ZNF19: variants seen among roughly 807,000 people sequenced by gnomAD.
The protein encoded by ZNF19 is zinc finger protein 19 (KOX 12).
In ZNF19, 11 loss-of-function variants were observed where a neutral mutation model predicts 13.1. The observed-to-expected ratio is 0.84, with a 90% CI of 0.53 to 1.39. The LOEUF is 1.39. Ranked by LOEUF, ZNF19 falls within the 40% of genes most tolerant of loss-of-function variation. ZNF19 has a pLI of 0.00. For missense variants in ZNF19, 560 were observed against 547.0 expected, an observed-to-expected ratio of 1.02 and a Z score of -0.24; for synonymous variants, 186 against 187.0, an observed-to-expected ratio of 0.99 and a Z score of 0.04.
In ZNF19 at chr16:71,478,964, C is replaced by T. The variant is rs2043620336; in HGVS notation, c.75G>A (p.Lys25=). 3 of 1,614,114 alleles carry T rather than the reference C, an allele frequency of 1.9e-6. No homozygotes were observed. The highest frequency in any genetic ancestry group is 2.2e-5 in the South Asian group (2 of 91,092). Residue 25 remains lysine (K), a synonymous_variant, in exon 4 of 6, where the codon AAG becomes AAA. Transcript: ENST00000288177. ...TFEDVAVHFT[K]TEWTGLSPAQ... Reference sequence around the variant, plus strand: ...CAGGAGAAAGGCCAGTCCATTCTGTCTTGGTGAAGTGCACAGCCACATCCT... The same window carrying T: ...CAGGAGAAAGGCCAGTCCATTCTGTTTTGGTGAAGTGCACAGCCACATCCT...
chr16:71,476,080 C>A lies in ZNF19; in HGVS notation c.467G>T (p.Cys156Phe). The change falls in exon 6 of 6, where the codon TGT (cysteine) becomes TTT (phenylalanine). Residue 156 changes from cysteine (C) to phenylalanine (F), a missense_variant. Coordinates refer to ENST00000288177, the MANE Select transcript of ZNF19 (RefSeq NM_006961.4). ...CTCACATATGAAAGGTTTCCTTGCA[C>A]AGGGGATTCTTGGAACCTTTCCTTG... is the stretch of plus-strand genomic sequence containing the variant. ...NIQGKVPRIPCARKPFICEEC... is the reference protein window; with the variant it reads ...NIQGKVPRIPFARKPFICEEC... 6.2e-7 allele frequency: 1 copy of A among 1,614,156 alleles called. No homozygotes were observed. The highest frequency in any genetic ancestry group is 1.1e-5 in the South Asian group (1 of 91,084).
At chr16:71,476,352 C>T in intron 5 of ZNF19, 80 bp from the exon 6 acceptor site, 4 of 1,425,310 alleles carry the variant, frequency 2.8e-6, no homozygotes, top group Non-Finnish European at 3.7e-6. Context: ...AATGATAAGG[C>T]TTTAAAAGAG....
At chr16:71,476,639 C>G (rs991012440) in intron 5 of ZNF19, among the ~76,000 whole-genome samples, 9 of 152,198 alleles carry the variant, frequency 5.9e-5, no homozygotes, top group Admixed American at 5.9e-4. Context: ...GCTGGCAAGA[C>G]TTAGAATCAG....
chr16:71,489,275 T>C lies in ZNF19; in HGVS notation c.-193A>G. 9.1e-6 allele frequency: 9 copies of C among 985,576 alleles called. No individual in the cohort carries two copies. Among genetic ancestry groups the C allele is most frequent in the Non-Finnish European group, 1.1e-5 (9 of 830,008 alleles). 61.1% of individuals were successfully genotyped at this position (985,576 alleles called of 1,614,324 possible). On this transcript the variant is annotated 5_prime_UTR_variant, in exon 1 of 6. Transcript: ENST00000288177. The stretch of plus-strand genomic sequence containing the variant: ...GTGGGTCCTTGCACTTTGGCACCTT[T>C]GAGCGCGGACTCAAAACAGGCCAGA...
chr16:71,481,894 C>T (rs948391375), intron 3 of ZNF19, among the ~76,000 whole-genome samples, 188 bp downstream of exon 3: 3 of 152,178 alleles, frequency 2.0e-5, no homozygotes, highest in African/African-American at 7.2e-5. Context: ...TTCAGCTTTC[C>T]AGATCACTCT....
chr16:71,476,825 C>T (rs542209807), intron 5 of ZNF19, among the ~76,000 whole-genome samples: 1 of 152,250 alleles, frequency 6.6e-6, no homozygotes, highest in South Asian at 2.1e-4. Context: ...GTATTATTCC[C>T]AATATGTTGT....
At chr16:71,488,604 G>A (rs992784221) in intron 1 of ZNF19, among the ~76,000 whole-genome samples, 4 of 152,056 alleles carry the variant, frequency 2.6e-5, no homozygotes, top group Admixed American at 1.3e-4. Flanking sequence ...TTTGAGACCC[G>A]TCTGACCAAC....
In ZNF19 at chr16:71,475,785, G is replaced by A. The variant is rs746661649; in HGVS notation, c.762C>T (p.Phe254=). ...PYYCTECGNS[F]TSSSEFVIHQ... ...GTATAACAAACTCGGAACTACTCGT[G>A]AAACTATTCCCACACTCTGTACAGT... The change falls in exon 6 of 6, where the codon TTC becomes TTT. Residue 254 remains phenylalanine, a synonymous_variant. Coordinates refer to ENST00000288177, the MANE Select transcript of ZNF19 (RefSeq NM_006961.4). 2 of 1,612,930 alleles carry A rather than the reference G, an allele frequency of 1.2e-6. No homozygotes were observed. The highest frequency in any genetic ancestry group is 1.7e-6 in the Non-Finnish European group (2 of 1,179,198).
chr16:71,481,048 G>T lies in ZNF19; in HGVS notation c.33+1034C>A, dbSNP rs142095971. 7.2e-5 allele frequency among the ~76,000 whole-genome samples: 11 copies of T among 152,340 alleles called. No individual in the cohort carries two copies. The East Asian group carries it at 2.1e-3, about 29-fold the overall frequency. ...AAACTCTAAATGTAATCTGAAAGATGGCACAAGTGGCAGAGAGAGAAGGAA... is the reference window on the plus strand; with the variant it reads ...AAACTCTAAATGTAATCTGAAAGATTGCACAAGTGGCAGAGAGAGAAGGAA... On this transcript the variant is annotated intron_variant, in intron 3 of 5. Coordinates refer to ENST00000288177, the MANE Select transcript of ZNF19 (RefSeq NM_006961.4).
intron 5 of ZNF19, chr16:71,477,747 C>T: frequency 6.3e-6 from 1 of 157,680 alleles, no homozygotes; most frequent in Non-Finnish European, 1.4e-5. Context: ...AAAGCTCCTC[C>T]CATGCCATGA....
intron 1 of ZNF19, among the ~76,000 whole-genome samples, chr16:71,486,639 C>T (rs1008500151): frequency 6.6e-6 from 1 of 152,162 alleles, no homozygotes; most frequent in Non-Finnish European, 1.5e-5. Context: ...ACCTCCAAAA[C>T]TCTAAGATAA....
chr16:71,485,230 A>G (rs941519434), intron 1 of ZNF19, among the ~76,000 whole-genome samples: 6 of 152,076 alleles, frequency 3.9e-5, no homozygotes, highest in African/African-American at 7.2e-5. Context: ...CGGGCAGATC[A>G]CCTGAGGTCA....
Position 71,475,738 on chromosome 16 carries a change from T to A in ZNF19, c.809A>T (p.Glu270Val), listed in dbSNP as rs141601110. Residue 270 changes from glutamate to valine, a missense_variant, in exon 6 of 6, where the codon GAG (glutamate) becomes GTG (valine). Glu to Val is a moderately radical substitution (Grantham distance 121). Transcript: ENST00000288177. ...FVIHQRIHTG[E>V]KPYECNECGK... The stretch of plus-strand genomic sequence containing the variant: ...ACACTCATTACACTCATAGGGTTTC[T>A]CCCCAGTGTGGATTCTCTGATGTAT... 82 of 1,613,936 alleles carry A rather than the reference T, an allele frequency of 5.1e-5. 1 individual carries two copies. In the Middle Eastern group the frequency reaches 6.6e-4, roughly 13 times the overall value.
At chr16:71,484,934 C>T (rs2145172776) in intron 1 of ZNF19, among the ~76,000 whole-genome samples, 186 bp from the exon 2 acceptor site, 1 of 152,290 alleles carries the variant, frequency 6.6e-6, no homozygotes, top group Non-Finnish European at 1.5e-5. Flanking sequence ...CTATTCTCGT[C>T]ACTAATTTGA....
rs749513750 is a variant in ZNF19, at chr16:71,475,249, T to C, written c.1298A>G (p.His433Arg). ...GTSSQLGHLEHVYSGEKPVLD... is the reference protein window; with the variant it reads ...GTSSQLGHLERVYSGEKPVLD... ...CACAGGCTTCTCTCCAGAGTAGACA[T>C]GCTCAAGGTGACCTAGCTGGGAAGA... The change falls in exon 6 of 6, where the codon CAT becomes CGT. Residue 433 changes from histidine (H) to arginine (R), a missense_variant. His to Arg is a conservative substitution (Grantham distance 29, BLOSUM62 0). Coordinates refer to ENST00000288177, the MANE Select transcript of ZNF19 (RefSeq NM_006961.4). 11 of 1,614,078 alleles carry C rather than the reference T, an allele frequency of 6.8e-6. No individual in the cohort carries two copies. Among genetic ancestry groups the C allele is most frequent in the South Asian group, 1.1e-5 (1 of 91,084 alleles).
chr16:71,480,513 G>A (rs1336481611), intron 3 of ZNF19, among the ~76,000 whole-genome samples: 1 of 152,158 alleles, frequency 6.6e-6, no homozygotes, highest in Admixed American at 6.5e-5. Flanking sequence ...ATCACTCATT[G>A]CTGACAGTTA....
rs144757223 is a variant in ZNF19 at position 71,475,330 on chromosome 16, A to G, written c.1217T>C (p.Ile406Thr). Residue 406 changes from isoleucine (I) to threonine (T), a missense_variant, in exon 6 of 6, where the codon ATC becomes ACC. Ile to Thr is a moderately conservative substitution (Grantham distance 89). Transcript: ENST00000288177. The stretch of plus-strand genomic sequence containing the variant: ...CTCATAGGGTTTCTCTCCAGTATGG[A>G]TTCTTTGATGCTGATGAAGATTTCT... The part of the protein sequence containing the change: ...SKRNLHQHQR[I>T]HTGEKPYECS... 5 of 1,614,126 alleles carry G rather than the reference A, an allele frequency of 3.1e-6. No homozygotes were observed. The highest frequency in any genetic ancestry group is 4.2e-6 in the Non-Finnish European group (5 of 1,180,016).
Position 71,478,888 on chromosome 16 carries a change from T to TCCAA in ZNF19, c.150_151insTTGG (p.Thr51LeufsTer31), listed in dbSNP as rs1322057398. ...AGGAAAATGGCCTTACCCAAAGCAG[T>TCCAA]CAGGTTCCCAAAATTCTCCAACATC... On this transcript the variant is annotated frameshift_variant, in exon 4 of 6. Transcript: ENST00000288177. LOFTEE classifies it high-confidence loss of function. The TCCAA allele has an allele frequency of 6.2e-7, 1 of 1,613,934 alleles. No homozygotes were observed. Among genetic ancestry groups the TCCAA allele is most frequent in the Non-Finnish European group, 8.5e-7 (1 of 1,179,956 alleles).
rs148169066 is a variant in ZNF19, at chr16:71,488,788, A to C, written c.-190+484T>G. ...CACTCCAGCCTGGGTGACAAGAGCG[A>C]GACTTCGTCTCAAAAAAACCAAAAC... is the stretch of plus-strand genomic sequence containing the variant. On this transcript the variant is annotated intron_variant, in intron 1 of 5. Coordinates refer to ENST00000288177, the MANE Select transcript of ZNF19 (RefSeq NM_006961.4). 2.5e-4 allele frequency among the ~76,000 whole-genome samples: 38 copies of C among 152,392 alleles called. No homozygotes were observed. In the East Asian group the frequency reaches 7.3e-3, roughly 29 times the overall value.
Sources: allele counts gnomAD v4.1 joint callset (sites outside exome capture counted in the v4.1 genomes callset), GRCh38; gene constraint gnomAD v4.1.1; transcripts MANE v1.5; gene names NCBI Gene and HGNC (gene_info 2026-07-23, HGNC 2026-07-21).